The following KANK1 variants were observed in gnomAD, a reference collection of about 807,000 sequenced individuals.
The protein encoded by KANK1 is KN motif and ankyrin repeat domain-containing protein 1.
KANK1 carries 109 observed loss-of-function variants against 106.2 expected under a neutral mutation model. That is an observed-to-expected ratio of 1.03 (90% CI 0.88 to 1.20). The LOEUF is 1.20. Ranked by LOEUF, KANK1 falls within the 50% of genes most tolerant of loss-of-function variation. The pLI, the probability that KANK1 is intolerant of heterozygous loss-of-function variation, is 0.00. For synonymous variants in KANK1, 873 were observed against 652.2 expected, an observed-to-expected ratio of 1.34 and a Z score of -5.16; for missense variants, 2,399 against 1,710.7, an observed-to-expected ratio of 1.40 and a Z score of -7.10.
chr9:544,123 T>C (rs1163868085), intron 1 of KANK1, among the ~76,000 whole-genome samples: 2 of 151,916 alleles, frequency 1.3e-5, no homozygotes, highest in Non-Finnish European at 2.9e-5. Context: ...TAGGCTCAAG[T>C]GATCTTCCCA....
At chr9:500,051 T>C (rs983123243), upstream of KANK1, among the ~76,000 whole-genome samples, 1 of 152,224 alleles carries the variant, frequency 6.6e-6, no homozygotes, top group African/African-American at 2.4e-5. Flanking sequence ...ATCTTTTGCA[T>C]GGGAATTTTA....
chr9:531,482 A>G (rs925522636), intron 1 of KANK1, among the ~76,000 whole-genome samples: 3 of 152,208 alleles, frequency 2.0e-5, no homozygotes, highest in Non-Finnish European at 4.4e-5. Context: ...TCGGCTTACA[A>G]ATCAGAACAT....
At position 712,745 on chromosome 9, in the gene KANK1, C is replaced by G. The variant is rs770106200; in HGVS notation, c.1979C>G (p.Ala660Gly). ...VNTEAVSQVEAAVMAVPRTAD... is the reference protein window; with the variant it reads ...VNTEAVSQVEGAVMAVPRTAD... ...ACTGAGGCTGTTAGCCAGGTGGAAG[C>G]TGCCGTCATGGCAGTGCCTCGTACT... Residue 660 changes from alanine (A) to glycine (G), a missense_variant, in exon 3 of 12, where the codon GCT becomes GGT. By Grantham distance (60) the Ala-to-Gly change is moderately conservative (BLOSUM62 0). Coordinates refer to ENST00000382297, the MANE Select transcript of KANK1 (RefSeq NM_015158.5). 8.7e-6 allele frequency: 14 copies of G among 1,613,834 alleles called. No individual in the cohort carries two copies. The highest frequency in any genetic ancestry group is 1.2e-5 in the Non-Finnish European group (14 of 1,179,938).
intron 2 of KANK1, among the ~76,000 whole-genome samples, chr9:692,012 G>A (rs1026420661): frequency 1.3e-5 from 2 of 152,120 alleles, no homozygotes; most frequent in African/African-American, 2.4e-5. Context: ...TTATCACAGG[G>A]CAGGCAGGCA....
In KANK1 at chr9:742,405, CG is replaced by C. The variant is rs745694933; in HGVS notation, c.3897+1del. ...GCTGCAACGGTCACCTAGAGGACAA[CG>C]TAAGCTGTCTCCATTGGGCCTCCTG... On this transcript the variant is annotated splice_donor_variant, in intron 10 of 11. Transcript: ENST00000382297. LOFTEE classifies it high-confidence loss of function. The C allele has an allele frequency of 2.9e-5, 46 of 1,609,338 alleles. No individual in the cohort carries two copies. The highest frequency in any genetic ancestry group is 3.9e-5 in the Non-Finnish European group (46 of 1,177,112).
intron 1 of KANK1, among the ~76,000 whole-genome samples, chr9:611,562 A>T (rs1436180724): frequency 6.6e-6 from 1 of 152,186 alleles, no homozygotes; most frequent in Non-Finnish European, 1.5e-5. Flanking sequence ...TCTTAATAAC[A>T]TAGGTATGTC....
intron 3 of KANK1, among the ~76,000 whole-genome samples, chr9:714,989 C>G (rs1827296054): frequency 6.6e-6 from 1 of 152,144 alleles, no homozygotes; most frequent in Non-Finnish European, 1.5e-5. Context: ...CTTAAGCCAT[C>G]CACAGAAATT....
At chr9:735,160 A>G (rs146236176) in intron 7 of KANK1, among the ~76,000 whole-genome samples, 65 of 152,280 alleles carry the variant, frequency 4.3e-4, no homozygotes, top group African/African-American at 1.4e-3. Flanking sequence ...ATTTCTATTT[A>G]TAGAACAGTA....
At chr9:515,581 A>T (rs564744270) in intron 1 of KANK1, among the ~76,000 whole-genome samples, 4 of 151,920 alleles carry the variant, frequency 2.6e-5, no homozygotes, top group African/African-American at 9.7e-5. Context: ...AACTGCTCAT[A>T]CTGTATTACT....
At position 727,696 on chromosome 9, in the gene KANK1, GTGTGTGTGTGTGTGTGTGTGTA is replaced by G. The variant is rs1321160871; in HGVS notation, c.2699-2342_2699-2321del. ...TAACTTTTCATGTGTGTGTGTGTGTGTGTGTGTGTGTGTGTGTGTGTATGTGTGTGTGTGGTAATGTATTTTA... is the reference window on the plus strand; with the variant it reads ...TAACTTTTCATGTGTGTGTGTGTGTGTGTGTGTGTGTGGTAATGTATTTTA... On this transcript the variant is annotated intron_variant, in intron 3 of 11. Transcript: ENST00000382297. Among the ~76,000 whole-genome samples the G allele has an allele frequency of 2.1e-4, 32 of 151,740 alleles. No homozygotes were observed. In the South Asian group the frequency reaches 3.8e-3, roughly 18 times the overall value.
At chr9:612,515 G>C (rs1355153574) in intron 1 of KANK1, among the ~76,000 whole-genome samples, 1 of 152,048 alleles carries the variant, frequency 6.6e-6, no homozygotes, top group Non-Finnish European at 1.5e-5. Flanking sequence ...TATGCCTTTT[G>C]CTAAAACAGT....
In KANK1 at chr9:711,873, A is replaced by G. The variant is rs1244516802; in HGVS notation, c.1107A>G (p.Gln369=). Residue 369 remains glutamine (Q), a synonymous_variant, in exon 3 of 12, where the codon CAA becomes CAG. Coordinates refer to ENST00000382297, the MANE Select transcript of KANK1 (RefSeq NM_015158.5). ...QSTQRIKEFR[Q]LTADMQALEQ... ...CGCAGAGGATAAAGGAGTTCCGGCA[A>G]CTTACAGCAGACATGCAAGCCCTGG... The G allele has an allele frequency of 1.2e-6, 2 of 1,614,106 alleles. No individual in the cohort carries two copies. Among genetic ancestry groups the G allele is most frequent in the East Asian group, 2.2e-5 (1 of 44,906 alleles).
intron 3 of KANK1, among the ~76,000 whole-genome samples, chr9:482,850 T>C (rs79664594): frequency 6.6e-6 from 1 of 151,770 alleles, no homozygotes; most frequent in African/African-American, 2.4e-5. Context: ...ATTCCAGAAA[T>C]AATTCATAAA....
intron 1 of KANK1, among the ~76,000 whole-genome samples, chr9:611,495 C>G (rs761791741): frequency 1.3e-5 from 2 of 152,150 alleles, no homozygotes; most frequent in South Asian, 4.1e-4. Context: ...AGTGCCTGCT[C>G]CTTGCACAGA....
intron 1 of KANK1, among the ~76,000 whole-genome samples, chr9:572,564 T>A (rs57076074): frequency 0.059 from 8,834 of 150,248 alleles, 839 homozygotes; most frequent in African/African-American, 0.2. Flanking sequence ...AAAAAAAAAA[T>A]TTTTTTTGTA....
chr9:620,826 TTTGA>T (rs1832974356), intron 1 of KANK1, among the ~76,000 whole-genome samples: 2 of 152,272 alleles, frequency 1.3e-5, no homozygotes, highest in South Asian at 2.1e-4. Context: ...CAATATAAGA[TTTGA>T]TTGGGAATAA....
chr9:589,693 TAGAA>T (rs1167099304), intron 1 of KANK1, among the ~76,000 whole-genome samples: 3 of 151,854 alleles, frequency 2.0e-5, no homozygotes, highest in African/African-American at 7.3e-5. Context: ...TGATTTGAAA[TAGAA>T]AGGAACATTA....
intron 1 of KANK1, among the ~76,000 whole-genome samples, chr9:669,785 C>T (rs189813802): frequency 6.6e-6 from 1 of 152,144 alleles, no homozygotes; most frequent in African/African-American, 2.4e-5. Context: ...GGAAAGTTTT[C>T]TGTTATTATT....
intron 1 of KANK1, among the ~76,000 whole-genome samples, chr9:670,722 G>C (rs146092836): frequency 1.3e-5 from 2 of 152,294 alleles, no homozygotes; most frequent in East Asian, 3.9e-4. Flanking sequence ...GCTGTCCACA[G>C]GGTGGTATCT....
Sources: gnomAD v4.1 joint callset for allele counts (sites outside exome capture counted in the v4.1 genomes callset) on GRCh38, gnomAD v4.1.1 for gene constraint, MANE v1.5 for transcripts, NCBI Gene and HGNC (gene_info 2026-07-23, HGNC 2026-07-21) for gene names.